Variants in ARHGEF3 observed in about 807,000 individuals in gnomAD.
ARHGEF3 encodes Rho guanine nucleotide exchange factor 3.
In ARHGEF3, 28 loss-of-function variants were observed where a neutral mutation model predicts 63.2. The observed-to-expected ratio is 0.44, with a 90% CI of 0.33 to 0.61. ARHGEF3 has a LOEUF of 0.61. Among genes scored for constraint, ARHGEF3 ranks in the 20% least tolerant of loss-of-function variants. The probability of loss-of-function intolerance (pLI) is 0.03; values close to 1 mark genes in which losing one functional copy is unlikely to be tolerated. For missense variants in ARHGEF3, 533 were observed against 659.3 expected (o/e 0.81, Z 2.10); for synonymous variants, 266 against 254.2 (o/e 1.05, Z -0.44).
chr3:56,775,216 T>G (rs753431897), intron 1 of ARHGEF3: 1 of 1,431,696 alleles, frequency 7.0e-7, no homozygotes, highest in African/African-American at 1.4e-5. Context: ...TATTTCTGCA[T>G]CCCCGTTCTG....
chr3:56,776,926 A>C (rs1023840515), intron 1 of ARHGEF3, among the ~76,000 whole-genome samples: 2 of 152,256 alleles, frequency 1.3e-5, no homozygotes, highest in Non-Finnish European at 2.9e-5. Context: ...AAGTTTAAAA[A>C]AAAGAAAAGA....
rs74858855 is a variant in ARHGEF3 at position 56,962,947 on chromosome 3, C to G, written c.63-4058G>C. On this transcript the variant is annotated intron_variant, in intron 2 of 12. Transcript: ENST00000338458. ...TCACCTTGAGAAGAGGTTTAGCGAC[C>G]ACTTATACAACAGCTTCTTAGTATG... Among the ~76,000 whole-genome samples the G allele has an allele frequency of 4.3e-3, 662 of 152,188 alleles. 5 individuals carry two copies. Among genetic ancestry groups the G allele is most frequent in the African/African-American group, 0.015 (624 of 41,538 alleles).
At chr3:56,992,250 A>AAG (rs1364224639) in intron 2 of ARHGEF3, among the ~76,000 whole-genome samples, 4 of 152,016 alleles carry the variant, frequency 2.6e-5, no homozygotes, top group African/African-American at 7.3e-5. Flanking sequence ...ATATTTGTAC[A>AAG]AGAGTCAGAG....
chr3:57,074,313 T>G, intron 1 of ARHGEF3: 1 of 1,555,134 alleles, frequency 6.4e-7, no homozygotes, highest in Middle Eastern at 1.7e-4. Flanking sequence ...GCTGTTTGTC[T>G]GGGCCTTTGC....
At chr3:57,040,692 G>A (rs951531108) in intron 1 of ARHGEF3, among the ~76,000 whole-genome samples, 1 of 151,966 alleles carries the variant, frequency 6.6e-6, no homozygotes, top group Non-Finnish European at 1.5e-5. Flanking sequence ...TTCTCTGTGG[G>A]TATGCTGTGC....
chr3:56,951,811 C>T (rs1699826262), intron 3 of ARHGEF3, among the ~76,000 whole-genome samples: 2 of 152,018 alleles, frequency 1.3e-5, no homozygotes, highest in Middle Eastern at 3.4e-3. Flanking sequence ...ATTCTCCCCA[C>T]TTGCAAATAA....
intron 1 of ARHGEF3, among the ~76,000 whole-genome samples, chr3:56,792,739 G>C (rs957462317): frequency 3.3e-5 from 5 of 152,154 alleles, no homozygotes; most frequent in African/African-American, 1.2e-4. Context: ...TTCTCCACTA[G>C]AGCTAGAATA....
At chr3:56,909,298 A>G (rs923259568) in intron 3 of ARHGEF3, among the ~76,000 whole-genome samples, 2 of 152,238 alleles carry the variant, frequency 1.3e-5, no homozygotes, top group African/African-American at 4.8e-5. Flanking sequence ...GCCAAGTACC[A>G]TGTTAAATTC....
chr3:56,730,803 G>A (rs1578350592), intron 9 of ARHGEF3, among the ~76,000 whole-genome samples: 1 of 152,184 alleles, frequency 6.6e-6, no homozygotes, highest in African/African-American at 2.4e-5. Context: ...CCAGTAGACT[G>A]GGAACCACCA....
At chr3:56,755,309 T>A in intron 2 of ARHGEF3, among the ~76,000 whole-genome samples, 158 bp from the exon 3 acceptor site, 1 of 152,204 alleles carries the variant, frequency 6.6e-6, no homozygotes, top group Admixed American at 6.5e-5. Context: ...GTCTTGAGCC[T>A]ACGTGCTAAG....
intron 2 of ARHGEF3, among the ~76,000 whole-genome samples, chr3:57,022,270 C>G (rs902095260): frequency 2.0e-5 from 3 of 152,132 alleles, no homozygotes; most frequent in African/African-American, 7.2e-5. Context: ...ACTGCCCTGT[C>G]CAGTCACCTG....
chr3:56,802,946 C>T (rs2107975796), upstream of ARHGEF3, among the ~76,000 whole-genome samples: 1 of 152,222 alleles, frequency 6.6e-6, no homozygotes, highest in Admixed American at 6.5e-5. Context: ...ATGGGTGTGG[C>T]ATGGAAAGAT....
intron 1 of ARHGEF3, among the ~76,000 whole-genome samples, chr3:56,778,782 G>A (rs545144779): frequency 2.6e-5 from 4 of 152,202 alleles, no homozygotes; most frequent in Admixed American, 6.5e-5. Flanking sequence ...CAATTCTCCC[G>A]CCTCGGCTTC....
Position 56,855,522 on chromosome 3 carries a change from A to C in ARHGEF3, c.192+26770T>G, listed in dbSNP as rs191642177. On this transcript the variant is annotated intron_variant, in intron 4 of 12. Coordinates refer to the ARHGEF3 transcript ENST00000338458. ...AACATGGTAAAACCCCTCTCTACTA[A>C]AAATACAAAAATTAGCTGGGCGTGG... 2.4e-3 allele frequency among the ~76,000 whole-genome samples: 367 copies of C among 152,104 alleles called. 7 individuals are homozygous for C. The highest frequency in any genetic ancestry group is 0.022 in the Admixed American group (340 of 15,250).
At position 57,054,772 on chromosome 3, in the gene ARHGEF3, T is replaced by C. The variant is rs187642336; in HGVS notation, c.-27-19596A>G. Among the ~76,000 whole-genome samples the C allele has an allele frequency of 2.6e-5, 4 of 151,256 alleles. No homozygotes were observed. The East Asian group carries it at 7.9e-4, about 30-fold the overall frequency. ...GTTCAAGGATTCTCCTGCCTTAGCC[T>C]CCCGAGTAGCTGGGATTATAGGCAT... On this transcript the variant is annotated intron_variant, in intron 1 of 12. Transcript: ENST00000338458.
chr3:56,968,495 C>CG (rs1700765712), intron 2 of ARHGEF3, among the ~76,000 whole-genome samples: 1 of 132,666 alleles, frequency 7.5e-6, no homozygotes, highest in Non-Finnish European at 1.6e-5. Flanking sequence ...GCACAACTAG[C>CG]TTTTTTTTTT....
chr3:56,996,844 A>G (rs993688376), intron 2 of ARHGEF3, among the ~76,000 whole-genome samples: 6 of 151,298 alleles, frequency 4.0e-5, no homozygotes, highest in African/African-American at 1.5e-4. Context: ...GTGGCCCAAC[A>G]CAAATTCGGA....
intron 3 of ARHGEF3, chr3:56,916,195 G>T: frequency 1.5e-6 from 2 of 1,345,660 alleles, no homozygotes; most frequent in Non-Finnish European, 2.0e-6. Context: ...TCAGTTTCTT[G>T]GAAGGTAAAG....
intron 3 of ARHGEF3, among the ~76,000 whole-genome samples, chr3:56,942,375 G>A (rs756548552): frequency 2.8e-4 from 42 of 152,178 alleles, no homozygotes; most frequent in Non-Finnish European, 4.7e-4. Flanking sequence ...TATCTGTTAC[G>A]GTGATGTCTG....
Sources: allele counts gnomAD v4.1 joint callset (sites outside exome capture counted in the v4.1 genomes callset), GRCh38; gene constraint gnomAD v4.1.1; transcripts MANE v1.5; gene names NCBI Gene and HGNC (gene_info 2026-07-23, HGNC 2026-07-21).